Variants in AGBL4 observed in about 807,000 individuals in gnomAD.
AGBL4 encodes cytosolic carboxypeptidase 6.
AGBL4 carries 58 observed loss-of-function variants against 66.4 expected under a neutral mutation model. The ratio of observed to expected loss-of-function variants is 0.87; its 90% CI spans 0.71 to 1.09. The LOEUF (loss-of-function observed/expected upper bound fraction) is 1.09. AGBL4 is among the 50% of genes least tolerant of loss of function. AGBL4 has a pLI of 0.00. For synonymous variants in AGBL4, 234 were observed against 222.9 expected (o/e 1.05, Z -0.44); for missense variants, 579 against 631.0 (o/e 0.92, Z 0.88).
chr1:48,527,908 G>C (rs1287423152), downstream of AGBL4, among the ~76,000 whole-genome samples: 1 of 152,134 alleles, frequency 6.6e-6, no homozygotes, highest in Non-Finnish European at 1.5e-5. Context: ...CCATAAAATG[G>C]GGTCATGTTT....
At chr1:49,604,869 C>T (rs563393154) in intron 3 of AGBL4, among the ~76,000 whole-genome samples, 1 of 152,214 alleles carries the variant, frequency 6.6e-6, no homozygotes, top group South Asian at 2.1e-4. Context: ...GACTTCATCT[C>T]AGAAAGATTA....
intron 4 of AGBL4, among the ~76,000 whole-genome samples, chr1:49,221,227 C>A (rs1649471213): frequency 6.6e-6 from 1 of 152,006 alleles, no homozygotes; most frequent in Non-Finnish European, 1.5e-5. Flanking sequence ...ACAAAAGAAT[C>A]AATCAATCAA....
At chr1:48,665,119 G>A (rs573798881) in intron 6 of AGBL4, among the ~76,000 whole-genome samples, 1 of 152,316 alleles carries the variant, frequency 6.6e-6, no homozygotes, top group East Asian at 1.9e-4. Flanking sequence ...ATCAGTATGG[G>A]TGGAGTCACT....
Position 49,985,972 on chromosome 1 carries a change from A to G in AGBL4, c.34+37791T>C, listed in dbSNP as rs545426764. Among the ~76,000 whole-genome samples, 250 of 152,266 alleles carry G rather than the reference A, an allele frequency of 1.6e-3. 1 individual carries two copies. Among genetic ancestry groups the G allele is most frequent in the African/African-American group, 5.6e-3 (234 of 41,586 alleles). On this transcript the variant is annotated intron_variant, in intron 1 of 13. Coordinates refer to ENST00000371839, the MANE Select transcript of AGBL4 (RefSeq NM_032785.4). ...AAAAAAGCCCAATTCCTCCTGCTTC[A>G]ACGCTTTAATTATATCCTACTACTC...
At chr1:49,059,329 C>G (rs1644361265) in intron 4 of AGBL4, among the ~76,000 whole-genome samples, 1 of 152,236 alleles carries the variant, frequency 6.6e-6, no homozygotes, top group Non-Finnish European at 1.5e-5. Flanking sequence ...CAAACCTGGG[C>G]AGCTTCCATG....
At chr1:49,912,053 G>A (rs959054125) in intron 1 of AGBL4, among the ~76,000 whole-genome samples, 3 of 152,162 alleles carry the variant, frequency 2.0e-5, no homozygotes, top group African/African-American at 7.2e-5. Context: ...CTGTGGTTGA[G>A]GAACTATTCC....
chr1:49,287,506 C>A (rs1388559251), intron 3 of AGBL4, among the ~76,000 whole-genome samples: 1 of 150,944 alleles, frequency 6.6e-6, no homozygotes, highest in African/African-American at 2.4e-5. Context: ...AGAACTCAAA[C>A]AAATTTACAA....
chr1:49,935,352 C>G (rs1459791800), intron 1 of AGBL4, among the ~76,000 whole-genome samples: 2 of 152,242 alleles, frequency 1.3e-5, no homozygotes, highest in African/African-American at 4.8e-5. Flanking sequence ...GGGTGGAGCC[C>G]ACCACAGCTC....
chr1:49,797,701 T>G (rs763622030), intron 2 of AGBL4, among the ~76,000 whole-genome samples: 2 of 152,170 alleles, frequency 1.3e-5, no homozygotes, highest in Non-Finnish European at 2.9e-5. Context: ...CAACTAAGCC[T>G]CCCAAAGCAC....
chr1:48,832,984 T>TCTC (rs1453300624), intron 6 of AGBL4, among the ~76,000 whole-genome samples: 1 of 152,168 alleles, frequency 6.6e-6, no homozygotes, highest in African/African-American at 2.4e-5. Context: ...CTCTCCTGGG[T>TCTC]CTCTAATTTG....
intron 3 of AGBL4, among the ~76,000 whole-genome samples, chr1:49,691,017 TTGATGA>T (rs145089479): frequency 6.6e-6 from 1 of 152,000 alleles, no homozygotes; most frequent in African/African-American, 2.4e-5. Flanking sequence ...TACATTTTGC[TTGATGA>T]TGATGATGAT....
At position 49,918,852 on chromosome 1, in the gene AGBL4, A is replaced by G. The variant is rs546238866; in HGVS notation, c.35-67334T>C. ...ATCCTCAATAAAATACTGGCAAACC[A>G]AATCCAGCAGCACCTCAAAAAGCTT... On this transcript the variant is annotated intron_variant, in intron 1 of 13. Transcript: ENST00000371839. 3.9e-3 allele frequency among the ~76,000 whole-genome samples: 588 copies of G among 152,306 alleles called. 6 individuals carry two copies. Among genetic ancestry groups the G allele is most frequent in the African/African-American group, 0.013 (559 of 41,564 alleles).
At chr1:48,733,693 C>CTTACGAGGTAAGA (rs1553217320) in intron 6 of AGBL4, among the ~76,000 whole-genome samples, 1 of 152,154 alleles carries the variant, frequency 6.6e-6, no homozygotes, top group Non-Finnish European at 1.5e-5. Context: ...CCCTGACTAT[C>CTTACGAGGTAAGA]TTACGAGGTA....
chr1:48,587,125 A>G lies in AGBL4; in HGVS notation c.1146T>C (p.Thr382=), dbSNP rs1350818648. The change falls in exon 11 of 14, where the codon ACT becomes ACC. Residue 382 remains threonine (T), a synonymous_variant. Coordinates refer to ENST00000371839, the MANE Select transcript of AGBL4 (RefSeq NM_032785.4). The part of the protein sequence containing the change: ...SFNRDAVKAG[T]GRRFLGGLLD... ...GGAGTCCACCGAGGAAGCGACGGCC[A>G]GTTCCTGCTTTCACAGCGTCCCGGT... The G allele has an allele frequency of 6.4e-7, 1 of 1,566,696 alleles. No homozygotes were observed. Among genetic ancestry groups the G allele is most frequent in the African/African-American group, 1.4e-5 (1 of 73,770 alleles).
intron 3 of AGBL4, among the ~76,000 whole-genome samples, chr1:49,443,221 T>C (rs1215836583): frequency 6.6e-6 from 1 of 152,142 alleles, no homozygotes. Context: ...GTTCAGCAAG[T>C]TGTCTCTTCA....
intron 4 of AGBL4, among the ~76,000 whole-genome samples, chr1:49,076,642 T>C (rs565126982): frequency 4.9e-4 from 75 of 152,304 alleles, no homozygotes; most frequent in Non-Finnish European, 8.4e-4. Flanking sequence ...CCATAGCATG[T>C]GCTTCCTAGA....
intron 4 of AGBL4, among the ~76,000 whole-genome samples, chr1:49,070,007 G>C (rs1644568984): frequency 6.6e-6 from 1 of 151,862 alleles, no homozygotes; most frequent in Non-Finnish European, 1.5e-5. Context: ...GTGAATGGGA[G>C]TTCACTCATG....
At chr1:49,183,145 T>C (rs1009540366) in intron 4 of AGBL4, among the ~76,000 whole-genome samples, 2 of 152,168 alleles carry the variant, frequency 1.3e-5, no homozygotes, top group Non-Finnish European at 2.9e-5. Flanking sequence ...GATGATGTTT[T>C]TCCTTATATT....
intron 3 of AGBL4, among the ~76,000 whole-genome samples, chr1:49,443,376 T>C (rs1646080126): frequency 6.6e-6 from 1 of 152,120 alleles, no homozygotes. Context: ...CTCTAGATGT[T>C]CTTCAATATT....
Sources: allele counts gnomAD v4.1 joint callset (sites outside exome capture counted in the v4.1 genomes callset), GRCh38; gene constraint gnomAD v4.1.1; transcripts MANE v1.5; gene names NCBI Gene and HGNC (gene_info 2026-07-23, HGNC 2026-07-21).